ATXN2: variants seen among roughly 807,000 people sequenced by gnomAD.
The protein encoded by ATXN2 is ataxin-2.
A neutral mutation model predicts 138.6 loss-of-function variants in ATXN2; 37 were observed. The observed-to-expected ratio is 0.27, with a 90% CI of 0.21 to 0.35. The LOEUF (loss-of-function observed/expected upper bound fraction) is 0.35. ATXN2 is among the 10% of genes least tolerant of loss of function. The pLI is 1.00. For missense variants in ATXN2, 1,216 were observed against 1,480.3 expected (o/e 0.82, Z 2.93); for synonymous variants, 549 against 543.7 (o/e 1.01, Z -0.13).
At chr12:111,530,220 A>G (rs758222122) in intron 5 of ATXN2, among the ~76,000 whole-genome samples, 5 of 152,240 alleles carry the variant, frequency 3.3e-5, no homozygotes, top group African/African-American at 4.8e-5. Flanking sequence ...CAATGCACTC[A>G]TAAGTCTGGA....
At chr12:111,503,850 A>G (rs1019143876) in intron 14 of ATXN2, among the ~76,000 whole-genome samples, 3 of 151,534 alleles carry the variant, frequency 2.0e-5, no homozygotes, top group African/African-American at 7.3e-5. Context: ...TCAGCCTCCC[A>G]AAGTGTTAGG....
chr12:111,533,382 A>G (rs1323689564), intron 5 of ATXN2, among the ~76,000 whole-genome samples: 4 of 152,126 alleles, frequency 2.6e-5, no homozygotes, highest in Non-Finnish European at 4.4e-5. Flanking sequence ...CATACTTTAA[A>G]CCTCTAGGTT....
chr12:111,598,413 C>A lies in ATXN2; in HGVS notation c.251+371G>T. On this transcript the variant is annotated intron_variant, in intron 1 of 24. Transcript: ENST00000673436. This position sits in a 1 kb window ranked among gnomAD's most constrained non-coding sequence, Gnocchi z 4.5. The stretch of plus-strand genomic sequence containing the variant: ...CACACCTAAACCGGGAGTGGAGGAG[C>A]TGCCCGAGCATCCCCACGCTGCGGG... 2.0e-6 allele frequency: 2 copies of A among 985,696 alleles called. No individual in the cohort carries two copies. The highest frequency in any genetic ancestry group is 2.4e-6 in the Non-Finnish European group (2 of 830,186). 61.1% of individuals were successfully genotyped at this position (985,696 alleles called of 1,614,324 possible). A position where few individuals can be genotyped will look rare whatever the true frequency, so the allele number is the denominator to read the frequency against.
intron 14 of ATXN2, among the ~76,000 whole-genome samples, chr12:111,496,812 T>G (rs541266970): frequency 3.2e-4 from 48 of 151,240 alleles, no homozygotes; most frequent in Non-Finnish European, 5.5e-4. Context: ...TGCCAATACA[T>G]CCTAAAGAAC....
chr12:111,515,260 T>A (rs189382080), intron 10 of ATXN2, among the ~76,000 whole-genome samples: 1 of 152,318 alleles, frequency 6.6e-6, no homozygotes, highest in Non-Finnish European at 1.5e-5. Context: ...AGTCCCAACA[T>A]AAGCAATATT....
intron 5 of ATXN2, among the ~76,000 whole-genome samples, chr12:111,535,424 A>G (rs903980964): frequency 2.6e-5 from 4 of 151,754 alleles, no homozygotes; most frequent in African/African-American, 9.7e-5. Flanking sequence ...GGAGTTCGAG[A>G]CCAGCCTGGG....
intron 21 of ATXN2, among the ~76,000 whole-genome samples, chr12:111,460,079 G>C (rs562766209): frequency 6.6e-6 from 1 of 152,062 alleles, no homozygotes; most frequent in African/African-American, 2.4e-5. Context: ...ACGGTGGACA[G>C]TGCAGTTTTG....
At position 111,456,025 on chromosome 12, in the gene ATXN2, T is replaced by C. The variant is rs1875061234; in HGVS notation, c.3270+4A>G. 1 of 1,613,834 alleles carries C rather than the reference T, an allele frequency of 6.2e-7. No individual in the cohort carries two copies. Among genetic ancestry groups the C allele is most frequent in the Non-Finnish European group, 8.5e-7 (1 of 1,179,670 alleles). On this transcript the variant is annotated splice_donor_region_variant and intron_variant, in intron 23 of 24. Transcript: ENST00000673436. ...CACAGAAAGTTGGCTAAAGCTGGTA[T>C]TACCTGAGGTACGTGGGCCATGTGG...
At chr12:111,596,955 G>A (rs1369032137) in intron 1 of ATXN2, among the ~76,000 whole-genome samples, 1 of 152,068 alleles carries the variant, frequency 6.6e-6, no homozygotes, top group Non-Finnish European at 1.5e-5. Context: ...TGAATTATCT[G>A]CCAAATCTCT....
At chr12:111,481,700 G>A (rs935178979) in intron 18 of ATXN2, among the ~76,000 whole-genome samples, 35 of 152,040 alleles carry the variant, frequency 2.3e-4, no homozygotes, top group African/African-American at 7.0e-4. Context: ...CTTTCACTCA[G>A]GCTGGGGTGC....
intron 1 of ATXN2, among the ~76,000 whole-genome samples, chr12:111,569,104 T>A (rs942035972): frequency 6.6e-6 from 1 of 152,192 alleles, no homozygotes; most frequent in African/African-American, 2.4e-5. Flanking sequence ...TCTAGGATCA[T>A]TGTTTCAAAA....
chr12:111,592,451 G>GA lies in ATXN2; in HGVS notation c.251+6332dup, dbSNP rs1400938090. On this transcript the variant is annotated intron_variant, in intron 1 of 24. Transcript: ENST00000673436. ...TCATAGATGACCCAGATATCCTTTG[G>GA]AAAAAAACAAAAAAAACACAAGTAC... Among the ~76,000 whole-genome samples, 9 of 150,670 alleles carry GA rather than the reference G, an allele frequency of 6.0e-5. No individual in the cohort carries two copies. The South Asian group carries it at 1.5e-3, about 25-fold the overall frequency.
rs1478019053 is a variant in ATXN2, at chr12:111,598,153, G to C, written c.251+631C>G. ...CCGCCGCCTCGGACACGAACGCAGA[G>C]GGGTGCGGGGGCCAAGGCCCACTTG... is the stretch of plus-strand genomic sequence containing the variant. On this transcript the variant is annotated intron_variant, in intron 1 of 24. Transcript: ENST00000673436. This position sits in a 1 kb window ranked among gnomAD's most constrained non-coding sequence, Gnocchi z 4.5. 1.8e-6 allele frequency: 2 copies of C among 1,106,108 alleles called. No homozygotes were observed. The highest frequency in any genetic ancestry group is 2.3e-5 in the South Asian group (1 of 44,430). The allele number at this position is 1,106,108 out of a possible 1,614,324, so 68.5% of individuals were successfully genotyped here. A position where few individuals can be genotyped will look rare whatever the true frequency, so the allele number is the denominator to read the frequency against.
chr12:111,546,250 T>C (rs56390488), intron 5 of ATXN2, among the ~76,000 whole-genome samples: 9,192 of 152,248 alleles, frequency 0.06, 305 homozygotes, highest in African/African-American at 0.085. Context: ...AAAGCCAGTA[T>C]AGCATGTATT....
intron 5 of ATXN2, among the ~76,000 whole-genome samples, chr12:111,547,618 G>A (rs1374682224): frequency 4.6e-5 from 7 of 151,822 alleles, no homozygotes; most frequent in East Asian, 3.9e-4. Flanking sequence ...CCAGCTACTC[G>A]GGAGGCTGAG....
chr12:111,569,578 G>C (rs1883200551), intron 1 of ATXN2, among the ~76,000 whole-genome samples: 1 of 152,148 alleles, frequency 6.6e-6, no homozygotes, highest in Non-Finnish European at 1.5e-5. Context: ...TTAGGCAGGT[G>C]TGGTGGCTCA....
chr12:111,457,526 A>T, intron 21 of ATXN2, 167 bp from the exon 22 acceptor site: 1 of 710,260 alleles, frequency 1.4e-6, no homozygotes, highest in Non-Finnish European at 2.2e-6. Flanking sequence ...TTGAAAAAAT[A>T]AGTGTAGCTA....
rs938581380 is a variant in ATXN2, at chr12:111,599,059, G to C, written c.-25C>G. 130 of 1,444,972 alleles carry C rather than the reference G, an allele frequency of 9.0e-5. No individual in the cohort carries two copies. In the African/African-American group the frequency reaches 1.8e-3, roughly 21 times the overall value. The allele number at this position is 1,444,972 out of a possible 1,614,324, so 89.5% of individuals were successfully genotyped here. On this transcript the variant is annotated 5_prime_UTR_variant, in exon 1 of 25. Coordinates refer to ENST00000673436, the MANE Select transcript of ATXN2 (RefSeq NM_001372574.1). ...TGGTGAGGGGCCCATACACCGGCTCGCACGCCGGGCGGGGACAGCCGGGAG... is the reference window on the plus strand; with the variant it reads ...TGGTGAGGGGCCCATACACCGGCTCCCACGCCGGGCGGGGACAGCCGGGAG...
Position 111,452,753 on chromosome 12 carries a change from T to G in ATXN2, c.*59A>C. On this transcript the variant is annotated 3_prime_UTR_variant, in exon 25 of 25. Transcript: ENST00000673436. The stretch of plus-strand genomic sequence containing the variant: ...AAATTCTAGTTTTCTGTGCTTCCAG[T>G]TGGTAGAAGCAGTAGAAGGGAGGAG... 6.7e-7 allele frequency: 1 copy of G among 1,499,334 alleles called. No homozygotes were observed. The highest frequency in any genetic ancestry group is 9.3e-7 in the Non-Finnish European group (1 of 1,076,084). The allele number at this position is 1,499,334 out of a possible 1,614,324, so 92.9% of individuals were successfully genotyped here. A position where few individuals can be genotyped will look rare whatever the true frequency, so the allele number is the denominator to read the frequency against.
Sources: gnomAD v4.1 joint callset for allele counts (sites outside exome capture counted in the v4.1 genomes callset) on GRCh38, gnomAD v4.1.1 for gene constraint, Gnocchi (gnomAD v3.1) non-coding constraint, MANE v1.5 for transcripts, NCBI Gene and HGNC (gene_info 2026-07-23, HGNC 2026-07-21) for gene names.